Variants in STIL observed in about 807,000 individuals in gnomAD.
STIL encodes SCL-interrupting locus protein.
A neutral mutation model predicts 110.1 loss-of-function variants in STIL; 55 were observed. That is an observed-to-expected ratio of 0.50 (90% confidence interval 0.40 to 0.63). STIL has a LOEUF of 0.63. STIL is among the 20% of genes least tolerant of loss of function. The pLI is 0.00. For synonymous variants in STIL, 481 were observed against 530.0 expected, an observed-to-expected ratio of 0.91 and a Z score of 1.27; for missense variants, 1,358 against 1,530.0, an observed-to-expected ratio of 0.89 and a Z score of 1.87.
rs183806136 is a variant in STIL at position 47,270,384 on chromosome 1, G to A, written c.2384-518C>T. ...ACAGAAAGACAAAACACTAGGGGAC[G>A]GGTCGGGTGGAAGGGCACATTCTGG... On this transcript the variant is annotated intron_variant, in intron 13 of 16. Coordinates refer to ENST00000371877, the MANE Select transcript of STIL (RefSeq NM_001048166.1). 2.3e-4 allele frequency among the ~76,000 whole-genome samples: 34 copies of A among 150,190 alleles called. 1 individual carries two copies. The South Asian group carries it at 6.0e-3, about 26-fold the overall frequency.
At chr1:47,276,183 G>A (rs530905238) in intron 12 of STIL, among the ~76,000 whole-genome samples, 1 of 151,778 alleles carries the variant, frequency 6.6e-6, no homozygotes, top group East Asian at 2.0e-4. Flanking sequence ...TGTATTTTTA[G>A]TAGAGACGGG....
intron 14 of STIL, among the ~76,000 whole-genome samples, chr1:47,266,411 A>G (rs1644655754): frequency 6.6e-6 from 1 of 152,214 alleles, no homozygotes; most frequent in South Asian, 2.1e-4. Flanking sequence ...AAGCCAGAGT[A>G]CAATGGCACT....
Position 47,287,532 on chromosome 1 carries a change from T to A in STIL, c.1133+19A>T. The A allele has an allele frequency of 1.3e-6, 2 of 1,520,618 alleles. No homozygotes were observed. The highest frequency in any genetic ancestry group is 1.8e-6 in the Non-Finnish European group (2 of 1,102,974). 94.2% of individuals were successfully genotyped at this position (1,520,618 alleles called of 1,614,324 possible). On this transcript the variant is annotated intron_variant, in intron 10 of 16. Coordinates refer to ENST00000371877, the MANE Select transcript of STIL (RefSeq NM_001048166.1). ...AATTTTTAAAAAAACACACACATAA[T>A]AACAAAAAGATCTTTTACCTCTTAA...
At chr1:47,289,653 G>C in intron 8 of STIL, 68 bp from the exon 9 acceptor site, 1 of 1,407,344 alleles carries the variant, frequency 7.1e-7, no homozygotes, top group Admixed American at 1.7e-5. Flanking sequence ...ATAACTTCAT[G>C]TGAGTCTCCC....
intron 10 of STIL, among the ~76,000 whole-genome samples, chr1:47,285,660 G>A (rs962675086): frequency 1.7e-4 from 26 of 151,648 alleles, no homozygotes; most frequent in Non-Finnish European, 5.9e-5. Flanking sequence ...GTTTCACCAC[G>A]TTGGCCAGGC....
rs1242019054 is a variant in STIL, at chr1:47,304,897, A to G, written c.144T>C (p.Ser48=). Residue 48 remains serine, a synonymous_variant, in exon 3 of 17, where the codon AGT becomes AGC. Coordinates refer to ENST00000371877, the MANE Select transcript of STIL (RefSeq NM_001048166.1). ...PTGDFIYLHL[S]YYRNPKLVVT... ...AAAGAAACATGTTATACCTGTAGTA[A>G]CTGAGATGTAAGTAGATGAAATCTC... The G allele has an allele frequency of 6.2e-7, 1 of 1,609,050 alleles. No individual in the cohort carries two copies. The highest frequency in any genetic ancestry group is 1.7e-5 in the Admixed American group (1 of 60,018).
Position 47,280,457 on chromosome 1 carries a change from A to C in STIL, c.2001T>G (p.Pro667=), listed in dbSNP as rs1334399288. 6.2e-7 allele frequency: 1 copy of C among 1,614,230 alleles called. No homozygotes were observed. ...GAGAACAACTGCCCATATCTCCCTGAGGTCTCAAGGCTATAGGACTACTTG... is the reference window on the plus strand; with the variant it reads ...GAGAACAACTGCCCATATCTCCCTGCGGTCTCAAGGCTATAGGACTACTTG... ...CSSSSPIALR[P]QGDMGSCSPH... is the part of the protein sequence containing the mutation. Residue 667 remains proline, a synonymous_variant, in exon 12 of 17, where the codon CCT becomes CCG. Transcript: ENST00000371877.
rs1357344307 is a variant in STIL, at chr1:47,252,538, TAA to T, written c.3081-618_3081-617del. On this transcript the variant is annotated intron_variant, in intron 16 of 16. Transcript: ENST00000371877. ...AAGAACAAATACAAGGCCCCAAATG[TAA>T]AAGTCATCAACATAGCTATGAGTCA... Among the ~76,000 whole-genome samples, 3 of 152,274 alleles carry T rather than the reference TAA, an allele frequency of 2.0e-5. No homozygotes were observed. The East Asian group carries it at 5.8e-4, about 29-fold the overall frequency.
rs1645758217 is a variant in STIL, at chr1:47,300,066, ACT to A, written c.538_539del (p.Ser180PhefsTer7). 1 of 1,613,876 alleles carries A rather than the reference ACT, an allele frequency of 6.2e-7. No homozygotes were observed. On this transcript the variant is annotated frameshift_variant, in exon 6 of 17. Coordinates refer to ENST00000371877, the MANE Select transcript of STIL (RefSeq NM_001048166.1). LOFTEE classifies it high-confidence loss of function. Reference protein sequence around the residue: ...SLRVHITSRESLDSVEFDLHW... With the variant: ...SLRVHITSREXLDSVEFDLHW... ...GCAAGTCAAATTCCACACTGTCCAA[ACT>A]CTCCCTGGAAGTGATATGAACTCTT...
Position 47,281,191 on chromosome 1 carries a change from A to C in STIL, c.1267T>G (p.Ser423Ala). ...VSQKISKIQP[S>A]VPELSLVLDG... Reference sequence around the variant, plus strand: ...AACACAAGTGAAAGTTCAGGAACTGATGGTTGGATCTTAGAAATCTACAAA... The same window carrying C: ...AACACAAGTGAAAGTTCAGGAACTGCTGGTTGGATCTTAGAAATCTACAAA... The change falls in exon 12 of 17, where the codon TCA becomes GCA. Residue 423 changes from serine to alanine, a missense_variant. Coordinates refer to ENST00000371877, the MANE Select transcript of STIL (RefSeq NM_001048166.1). The C allele has an allele frequency of 1.9e-6, 3 of 1,613,092 alleles. No homozygotes were observed. The highest frequency in any genetic ancestry group is 2.5e-6 in the Non-Finnish European group (3 of 1,179,796).
intron 14 of STIL, among the ~76,000 whole-genome samples, chr1:47,265,220 A>G (rs532679194): frequency 1.6e-5 from 2 of 123,158 alleles, no homozygotes; most frequent in Non-Finnish European, 3.3e-5. Flanking sequence ...TGAGCAACAG[A>G]GCAACACTCC....
chr1:47,286,471 G>A (rs891549120), intron 10 of STIL, among the ~76,000 whole-genome samples: 1 of 152,082 alleles, frequency 6.6e-6, no homozygotes, highest in Middle Eastern at 3.4e-3. Flanking sequence ...CACTTTGGGA[G>A]GCTGAGGTGG....
intron 3 of STIL, among the ~76,000 whole-genome samples, chr1:47,304,351 A>T (rs7511699): frequency 0.22 from 33,453 of 150,258 alleles, 4,360 homozygotes; most frequent in East Asian, 0.53. Flanking sequence ...TACAATATAC[A>T]CCTGTGTGAT....
chr1:47,313,352 TA>T (rs1646192803), intron 1 of STIL, among the ~76,000 whole-genome samples: 1 of 111,698 alleles, frequency 9.0e-6, no homozygotes, highest in Non-Finnish European at 2.0e-5. Flanking sequence ...AAATTTTTTT[TA>T]AAAAGCCGAT....
chr1:47,306,794 T>C (rs528934674), intron 2 of STIL, among the ~76,000 whole-genome samples: 1 of 152,238 alleles, frequency 6.6e-6, no homozygotes, highest in Admixed American at 6.6e-5. Flanking sequence ...TTAAATCATA[T>C]AGGGTACCAT....
chr1:47,292,639 G>A (rs759788198), intron 8 of STIL, among the ~76,000 whole-genome samples: 15 of 152,172 alleles, frequency 9.9e-5, no homozygotes, highest in Admixed American at 2.6e-4. Context: ...GGATGCTATG[G>A]TTTAATTTTT....
At chr1:47,260,099 T>A (rs112121589) in intron 16 of STIL, among the ~76,000 whole-genome samples, 190 bp downstream of exon 16, 18 of 152,352 alleles carry the variant, frequency 1.2e-4, no homozygotes, top group African/African-American at 4.3e-4. Flanking sequence ...GAATCTCTTA[T>A]TCATCATGCA....
intron 9 of STIL, 115 bp from the exon 10 acceptor site, chr1:47,287,775 T>C: frequency 1.2e-6 from 1 of 800,064 alleles, no homozygotes; most frequent in South Asian, 1.5e-5. Flanking sequence ...GACTTCTGAT[T>C]TCTGTAACCC....
At chr1:47,313,436 C>A (rs528871795) in intron 1 of STIL, among the ~76,000 whole-genome samples, 2 of 152,090 alleles carry the variant, frequency 1.3e-5, no homozygotes, top group Admixed American at 6.6e-5. Flanking sequence ...CTTAACCCCC[C>A]CATCCACTCA....
Sources: allele counts gnomAD v4.1 joint callset (sites outside exome capture counted in the v4.1 genomes callset), GRCh38; gene constraint gnomAD v4.1.1; transcripts MANE v1.5; gene names NCBI Gene and HGNC (gene_info 2026-07-23, HGNC 2026-07-21).